Variants in STIM1 observed in about 807,000 individuals in gnomAD.
STIM1 encodes stromal interaction molecule 1.
STIM1 carries 25 observed loss-of-function variants against 74.7 expected under a neutral mutation model. The ratio of observed to expected loss-of-function variants is 0.33; its 90% confidence interval spans 0.24 to 0.47. The LOEUF is 0.47. STIM1 is among the 20% of genes least tolerant of loss of function. The probability of loss-of-function intolerance (pLI) is 1.00; values close to 1 mark genes in which losing one functional copy is unlikely to be tolerated. For synonymous variants in STIM1, 328 were observed against 348.8 expected, an observed-to-expected ratio of 0.94 and a Z score of 0.66; for missense variants, 728 against 920.8, an observed-to-expected ratio of 0.79 and a Z score of 2.71.
chr11:3,906,504 A>G (rs2092467539), intron 1 of STIM1, among the ~76,000 whole-genome samples: 1 of 152,220 alleles, frequency 6.6e-6, no homozygotes. Context: ...TTTGATTTCC[A>G]AAGATTTGCC....
chr11:3,898,675 G>C (rs372201759), intron 1 of STIM1, among the ~76,000 whole-genome samples: 42 of 151,946 alleles, frequency 2.8e-4, no homozygotes, highest in African/African-American at 8.7e-4. Context: ...TTTAATCCAT[G>C]TTGAATTAAT....
At chr11:3,887,802 A>C (rs369335409) in intron 1 of STIM1, among the ~76,000 whole-genome samples, 40 of 152,050 alleles carry the variant, frequency 2.6e-4, no homozygotes, top group African/African-American at 9.4e-4. Context: ...CCCTGCCTCT[A>C]CTAAAAATAC....
intron 1 of STIM1, among the ~76,000 whole-genome samples, chr11:3,873,504 C>T (rs975522091): frequency 4.0e-5 from 6 of 150,592 alleles, no homozygotes; most frequent in Admixed American, 4.0e-4. Flanking sequence ...TGGCCTGAAG[C>T]GATCCTCGCA....
At chr11:4,062,184 G>T (rs543139164) in intron 5 of STIM1, among the ~76,000 whole-genome samples, 1 of 152,128 alleles carries the variant, frequency 6.6e-6, no homozygotes, top group African/African-American at 2.4e-5. Flanking sequence ...TACAACAAAA[G>T]AAAGAATAGA....
chr11:4,086,351 C>T, intron 11 of STIM1, 126 bp from the exon 12 acceptor site: 1 of 1,072,376 alleles, frequency 9.3e-7, no homozygotes, highest in East Asian at 2.6e-5. Context: ...AGGAGGTGCC[C>T]CATTCTCCAG....
chr11:4,037,029 C>T (rs531016315), intron 3 of STIM1, among the ~76,000 whole-genome samples: 73 of 151,708 alleles, frequency 4.8e-4, no homozygotes, highest in African/African-American at 1.7e-3. Flanking sequence ...CCTACTTGTT[C>T]TATCTTTTTC....
At chr11:3,926,330 A>T (rs909317380) in intron 1 of STIM1, among the ~76,000 whole-genome samples, 2 of 152,248 alleles carry the variant, frequency 1.3e-5, no homozygotes, top group Admixed American at 1.3e-4. Context: ...AATACATGAC[A>T]TACAGACCCA....
At chr11:3,865,493 A>G (rs966872307) in intron 1 of STIM1, among the ~76,000 whole-genome samples, 2 of 152,196 alleles carry the variant, frequency 1.3e-5, no homozygotes, top group African/African-American at 2.4e-5. Flanking sequence ...TACAAAGTCA[A>G]ATGTCAAGTG....
At chr11:3,935,006 T>C (rs541812051) in intron 1 of STIM1, among the ~76,000 whole-genome samples, 1 of 152,358 alleles carries the variant, frequency 6.6e-6, no homozygotes, top group East Asian at 1.9e-4. Context: ...TTCCCTGTAA[T>C]AGCAGCTGAA....
chr11:4,018,376 C>T (rs1319575858), intron 2 of STIM1, among the ~76,000 whole-genome samples: 6 of 129,726 alleles, frequency 4.6e-5, no homozygotes, highest in South Asian at 5.7e-4. Context: ...GGCGTGAACC[C>T]GGGAAGCGGA....
intron 1 of STIM1, among the ~76,000 whole-genome samples, chr11:3,951,298 GT>G: frequency 6.6e-6 from 1 of 152,188 alleles, no homozygotes. Flanking sequence ...CTGCAACATT[GT>G]TTAGTAGATG....
At chr11:3,870,174 T>A (rs1467298737) in intron 1 of STIM1, among the ~76,000 whole-genome samples, 4 of 152,164 alleles carry the variant, frequency 2.6e-5, no homozygotes, top group Non-Finnish European at 4.4e-5. Context: ...TCCAAAGAAA[T>A]GAAATGATTT....
At chr11:3,868,346 T>G (rs1396902611) in intron 1 of STIM1, 1 of 152,230 alleles carries the variant, frequency 6.6e-6, no homozygotes, top group Non-Finnish European at 1.5e-5. Flanking sequence ...AAACAACTCT[T>G]AAGGGTGGAT....
At chr11:4,024,760 T>C (rs2093985287) in intron 3 of STIM1, among the ~76,000 whole-genome samples, 1 of 152,168 alleles carries the variant, frequency 6.6e-6, no homozygotes, top group Non-Finnish European at 1.5e-5. Context: ...AAACTTCAGA[T>C]TTCTGTAAAA....
intron 1 of STIM1, among the ~76,000 whole-genome samples, chr11:3,916,919 A>G (rs2092652169): frequency 6.6e-6 from 1 of 152,180 alleles, no homozygotes; most frequent in South Asian, 2.1e-4. Context: ...AAATCCCAAT[A>G]GCTATGGAAA....
At chr11:4,044,906 A>G (rs1433439074) in intron 3 of STIM1, among the ~76,000 whole-genome samples, 1 of 152,140 alleles carries the variant, frequency 6.6e-6, no homozygotes, top group Non-Finnish European at 1.5e-5. Context: ...TTTAATTGTC[A>G]TGATTGGCAG....
chr11:3,881,013 G>T (rs2091477394), intron 1 of STIM1, among the ~76,000 whole-genome samples: 1 of 151,764 alleles, frequency 6.6e-6, no homozygotes, highest in African/African-American at 2.4e-5. Context: ...TCCTGAAGAG[G>T]CAGGAAGGGG....
chr11:4,083,603 G>A (rs2094476974), intron 10 of STIM1, 105 bp downstream of exon 10: 2 of 1,093,826 alleles, frequency 1.8e-6, no homozygotes, highest in South Asian at 1.3e-5. Flanking sequence ...AGATACCCAG[G>A]AAGATAGTTC....
intron 1 of STIM1, among the ~76,000 whole-genome samples, chr11:3,897,834 G>A (rs1224703850): frequency 2.0e-5 from 3 of 152,108 alleles, no homozygotes; most frequent in Non-Finnish European, 4.4e-5. Flanking sequence ...TCCCTACAAA[G>A]GACACGAACT....
Sources: gnomAD v4.1 joint callset for allele counts (sites outside exome capture counted in the v4.1 genomes callset) on GRCh38, gnomAD v4.1.1 for gene constraint, MANE v1.5 for transcripts, NCBI Gene and HGNC (gene_info 2026-07-23, HGNC 2026-07-21) for gene names.